EPB41L5: variants seen among roughly 807,000 people sequenced by gnomAD.
The protein encoded by EPB41L5 is erythrocyte membrane protein band 4.1 like 5.
A neutral mutation model predicts 106.6 loss-of-function variants in EPB41L5; 55 were observed. That is an observed-to-expected ratio of 0.52 (90% confidence interval 0.42 to 0.65). EPB41L5 has a LOEUF of 0.65. Ranked by LOEUF, EPB41L5 falls within the 30% of genes least tolerant of loss-of-function variation. EPB41L5 has a pLI of 0.00. For missense variants in EPB41L5, 871 were observed against 882.1 expected, an observed-to-expected ratio of 0.99 and a Z score of 0.16; for synonymous variants, 297 against 306.7, an observed-to-expected ratio of 0.97 and a Z score of 0.33.
chr2:120,088,395 A>G (rs533332424), intron 11 of EPB41L5, among the ~76,000 whole-genome samples: 15 of 152,314 alleles, frequency 9.8e-5, no homozygotes, highest in African/African-American at 3.6e-4. Context: ...AGAACTTATG[A>G]ACACAAAGAA....
At chr2:120,161,948 T>G (rs1309715508) in intron 21 of EPB41L5, among the ~76,000 whole-genome samples, 1 of 152,200 alleles carries the variant, frequency 6.6e-6, no homozygotes, top group Non-Finnish European at 1.5e-5. Context: ...TCCACAAAAC[T>G]GGTCCTTGGT....
chr2:120,144,478 A>T (rs2105497812), intron 19 of EPB41L5, among the ~76,000 whole-genome samples: 1 of 152,290 alleles, frequency 6.6e-6, no homozygotes, highest in Admixed American at 6.5e-5. Flanking sequence ...ATCTTTCTTG[A>T]CTTGAGGAAT....
intron 20 of EPB41L5, among the ~76,000 whole-genome samples, chr2:120,152,729 T>C (rs1686734085): frequency 6.6e-6 from 1 of 152,272 alleles, no homozygotes; most frequent in South Asian, 2.1e-4. Flanking sequence ...GCTATGGTCC[T>C]GGGCTTTTCT....
intron 21 of EPB41L5, among the ~76,000 whole-genome samples, chr2:120,164,575 A>C (rs1242580690): frequency 6.6e-6 from 1 of 152,186 alleles, no homozygotes; most frequent in Non-Finnish European, 1.5e-5. Flanking sequence ...ACCCTACCCA[A>C]GTTTTGTCTT....
chr2:120,045,252 C>T (rs1679687838), intron 3 of EPB41L5, among the ~76,000 whole-genome samples: 1 of 152,124 alleles, frequency 6.6e-6, no homozygotes, highest in African/African-American at 2.4e-5. Context: ...TCGATGAAGC[C>T]AAAGTTCACT....
intron 3 of EPB41L5, among the ~76,000 whole-genome samples, chr2:120,068,015 G>A (rs1402868104): frequency 6.6e-6 from 1 of 152,162 alleles, no homozygotes; most frequent in African/African-American, 2.4e-5. Flanking sequence ...AACAGCTCCG[G>A]TCTGCAGCTG....
At chr2:120,082,020 G>T (rs1682706034) in intron 10 of EPB41L5, among the ~76,000 whole-genome samples, 1 of 152,174 alleles carries the variant, frequency 6.6e-6, no homozygotes, top group African/African-American at 2.4e-5. Flanking sequence ...CTGAGATGAT[G>T]GGGTTTTCTA....
At position 120,073,078 on chromosome 2, in the gene EPB41L5, G is replaced by C. The variant is rs543725384; in HGVS notation, c.286-100G>C. ...TTTCTCTTGTGAAGTATTTCCTTGCGGTTATCAGTGTAGGCACAATGAAAA... is the reference window on the plus strand; with the variant it reads ...TTTCTCTTGTGAAGTATTTCCTTGCCGTTATCAGTGTAGGCACAATGAAAA... On this transcript the variant is annotated intron_variant, in intron 3 of 24. Transcript: ENST00000263713. The C allele has an allele frequency of 1.0e-5, 10 of 991,454 alleles. No individual in the cohort carries two copies. The East Asian group carries it at 1.8e-4, about 18-fold the overall frequency. The allele number at this position is 991,454 out of a possible 1,614,324, so 61.4% of individuals were successfully genotyped here.
intron 3 of EPB41L5, among the ~76,000 whole-genome samples, chr2:120,048,230 A>G (rs1461171710): frequency 2.0e-5 from 3 of 152,174 alleles, no homozygotes; most frequent in Admixed American, 2.0e-4. Context: ...TTTCAGAGAG[A>G]ATGGTACCAG....
intron 3 of EPB41L5, among the ~76,000 whole-genome samples, chr2:120,062,933 T>A (rs1242473222): frequency 6.6e-6 from 1 of 152,184 alleles, no homozygotes; most frequent in Admixed American, 6.5e-5. Context: ...AAGGCTCTGA[T>A]GAACTTTTAC....
At chr2:120,073,654 A>T (rs983909682) in intron 4 of EPB41L5, among the ~76,000 whole-genome samples, 1 of 152,194 alleles carries the variant, frequency 6.6e-6, no homozygotes, top group Non-Finnish European at 1.5e-5. Context: ...TCATTATCCA[A>T]CTTGACTTTT....
chr2:120,106,805 A>G (rs1684479076), intron 16 of EPB41L5: 1 of 985,272 alleles, frequency 1.0e-6, no homozygotes, highest in African/African-American at 1.7e-5. Context: ...TGCGTTTCAA[A>G]GGCGTTTACC....
intron 19 of EPB41L5, among the ~76,000 whole-genome samples, chr2:120,145,901 G>A (rs1407355090): frequency 6.6e-6 from 1 of 151,796 alleles, no homozygotes; most frequent in African/African-American, 2.4e-5. Context: ...AGCTGAGATT[G>A]TACCACTGCA....
At chr2:120,092,044 A>ATTTATTTG (rs1191467199) in intron 13 of EPB41L5, among the ~76,000 whole-genome samples, 66 of 102,008 alleles carry the variant, frequency 6.5e-4, no homozygotes, top group African/African-American at 2.1e-3. Flanking sequence ...TTATTTATTT[A>ATTTATTTG]TTTTGAGATA....
chr2:120,106,495 A>G, intron 16 of EPB41L5: 1 of 985,288 alleles, frequency 1.0e-6, no homozygotes, highest in South Asian at 4.7e-5. Context: ...TTATGCCTAA[A>G]GAGTCAGTGA....
At chr2:120,035,373 G>A (rs555707675) in intron 2 of EPB41L5, among the ~76,000 whole-genome samples, 23 of 152,298 alleles carry the variant, frequency 1.5e-4, no homozygotes, top group African/African-American at 5.1e-4. Flanking sequence ...TGCTGGGATT[G>A]TAGGCATGAG....
chr2:120,144,605 A>G (rs949096022), intron 19 of EPB41L5, among the ~76,000 whole-genome samples: 5 of 152,220 alleles, frequency 3.3e-5, no homozygotes, highest in Admixed American at 3.3e-4. Flanking sequence ...CTAAACATTT[A>G]TGGAAGAAAT....
At chr2:120,168,962 TA>T (rs1332804263) in intron 24 of EPB41L5, among the ~76,000 whole-genome samples, 1 of 152,174 alleles carries the variant, frequency 6.6e-6, no homozygotes, top group African/African-American at 2.4e-5. Flanking sequence ...ATGATCACTG[TA>T]AAAATAGAGC....
chr2:120,037,611 G>A (rs1679125528), intron 2 of EPB41L5, among the ~76,000 whole-genome samples: 1 of 151,942 alleles, frequency 6.6e-6, no homozygotes, highest in Admixed American at 6.6e-5. Flanking sequence ...GAGACCAGGA[G>A]TTCAAGACCA....
Sources: allele counts gnomAD v4.1 joint callset (sites outside exome capture counted in the v4.1 genomes callset), GRCh38; gene constraint gnomAD v4.1.1; transcripts MANE v1.5; gene names NCBI Gene and HGNC (gene_info 2026-07-23, HGNC 2026-07-21).